The following PCSK6 variants were observed in gnomAD, a reference collection of about 807,000 sequenced individuals.
PCSK6 encodes paired basic amino acid cleaving enzyme 4.
PCSK6 carries 85 observed loss-of-function variants against 123.3 expected under a neutral mutation model. The observed-to-expected ratio is 0.69, with a 90% confidence interval of 0.58 to 0.83. The LOEUF (loss-of-function observed/expected upper bound fraction) is 0.83. Among genes scored for constraint, PCSK6 ranks in the 40% least tolerant of loss-of-function variants. The pLI, the probability that PCSK6 is intolerant of heterozygous loss-of-function variation, is 0.00. For synonymous variants in PCSK6, 508 were observed against 516.0 expected (o/e 0.98, Z 0.21); for missense variants, 1,191 against 1,282.3 (o/e 0.93, Z 1.09).
intron 13 of PCSK6, among the ~76,000 whole-genome samples, chr15:101,341,991 G>A (rs569298221): frequency 3.9e-5 from 6 of 152,060 alleles, no homozygotes; most frequent in East Asian, 3.9e-4. Context: ...TTAGCCGGGC[G>A]CGGTGGTGCA....
At chr15:101,372,690 G>A (rs139268518) in intron 11 of PCSK6, among the ~76,000 whole-genome samples, 22 of 152,100 alleles carry the variant, frequency 1.4e-4, no homozygotes, top group Non-Finnish European at 2.6e-4. Context: ...GTGTGGAGAC[G>A]GAGAAACGTC....
At chr15:101,468,295 C>T (rs1004029502) in intron 1 of PCSK6, among the ~76,000 whole-genome samples, 1 of 152,148 alleles carries the variant, frequency 6.6e-6, no homozygotes, top group South Asian at 2.1e-4. Flanking sequence ...CCATCATCAT[C>T]ATCGTCACAG....
chr15:101,427,170 T>A (rs1008719504), intron 6 of PCSK6, among the ~76,000 whole-genome samples: 4 of 152,136 alleles, frequency 2.6e-5, no homozygotes, highest in Admixed American at 6.5e-5. Flanking sequence ...GACTGAGCAG[T>A]GTGAGAAGCT....
chr15:101,475,892 T>C (rs1596377655), intron 1 of PCSK6, among the ~76,000 whole-genome samples: 1 of 152,178 alleles, frequency 6.6e-6, no homozygotes, highest in Non-Finnish European at 1.5e-5. Flanking sequence ...TGACAATTGG[T>C]CATCACTACA....
At chr15:101,310,231 A>G (rs971437926) in intron 20 of PCSK6, among the ~76,000 whole-genome samples, 3 of 152,182 alleles carry the variant, frequency 2.0e-5, no homozygotes, top group Non-Finnish European at 4.4e-5. Context: ...CAGCCCCAGC[A>G]CTGTCAGCCT....
intron 13 of PCSK6, chr15:101,365,051 G>C (rs763706418): frequency 2.6e-6 from 2 of 763,010 alleles, no homozygotes; most frequent in African/African-American, 1.7e-5. Flanking sequence ...TCACCTAATG[G>C]GTAAAGAATG....
At chr15:101,388,242 A>G (rs977932617) in intron 9 of PCSK6, among the ~76,000 whole-genome samples, 1 of 152,256 alleles carries the variant, frequency 6.6e-6, no homozygotes, top group Non-Finnish European at 1.5e-5. Context: ...CAAAAATATC[A>G]AACTGTTCCT....
chr15:101,416,345 G>A (rs1341006701), intron 6 of PCSK6, among the ~76,000 whole-genome samples: 1 of 152,232 alleles, frequency 6.6e-6, no homozygotes, highest in East Asian at 1.9e-4. Context: ...TCTGGCAGAA[G>A]AAATTTCTAA....
chr15:101,307,076 A>T (rs2039739348), intron 21 of PCSK6, 137 bp downstream of exon 21: 1 of 648,892 alleles, frequency 1.5e-6, no homozygotes, highest in Admixed American at 2.3e-5. Context: ...AATCCCAGAC[A>T]GTCAATCGGA....
At chr15:101,465,770 G>C (rs965975288) in intron 1 of PCSK6, among the ~76,000 whole-genome samples, 2 of 152,142 alleles carry the variant, frequency 1.3e-5, no homozygotes, top group African/African-American at 2.4e-5. Context: ...ACTTAAATCA[G>C]TTAAGTATGA....
rs56799341 is a variant in PCSK6 at position 101,313,163 on chromosome 15, C to T, written c.2699+213G>A. On this transcript the variant is annotated intron_variant, in intron 20 of 21. Transcript: ENST00000611716. ...CTTCCCATCTTATCCCGCTGCTGCA[C>T]GGTGTCTGCCCACAGCAGGGACCCA... 8,119 of 1,489,640 alleles carry T rather than the reference C, an allele frequency of 5.5e-3. 309 individuals are homozygous for T. In the East Asian group the frequency reaches 0.098, roughly 18 times the overall value. 92.3% of individuals were successfully genotyped at this position (1,489,640 alleles called of 1,614,324 possible).
intron 6 of PCSK6, among the ~76,000 whole-genome samples, chr15:101,426,432 C>T (rs2141103311): frequency 6.6e-6 from 1 of 152,300 alleles, no homozygotes; most frequent in African/African-American, 2.4e-5. Context: ...GGGCTCTGCA[C>T]CCATCATCAA....
intron 17 of PCSK6, among the ~76,000 whole-genome samples, chr15:101,323,491 G>A (rs1005778331): frequency 6.6e-6 from 1 of 152,230 alleles, no homozygotes; most frequent in Non-Finnish European, 1.5e-5. Context: ...AGCACTTTGG[G>A]AGGCCAAGGC....
chr15:101,325,314 G>A (rs945105046), intron 16 of PCSK6, among the ~76,000 whole-genome samples: 32 of 152,210 alleles, frequency 2.1e-4, no homozygotes, highest in African/African-American at 7.5e-4. Flanking sequence ...GGCATCGTGA[G>A]GTTCGTATTT....
chr15:101,345,737 G>A (rs1445477351), intron 13 of PCSK6, among the ~76,000 whole-genome samples: 7 of 152,136 alleles, frequency 4.6e-5, no homozygotes, highest in African/African-American at 9.7e-5. Flanking sequence ...GCAAAATCTC[G>A]GCTCACTGCA....
chr15:101,411,402 C>A (rs1596307113), intron 6 of PCSK6, among the ~76,000 whole-genome samples: 1 of 152,042 alleles, frequency 6.6e-6, no homozygotes, highest in Non-Finnish European at 1.5e-5. Flanking sequence ...AGCGGGGAGT[C>A]CGCCTCGCAC....
chr15:101,320,631 T>C (rs554008380), intron 18 of PCSK6, among the ~76,000 whole-genome samples: 2 of 152,330 alleles, frequency 1.3e-5, no homozygotes, highest in South Asian at 2.1e-4. Context: ...CATGGTGCCA[T>C]GCCCACTGCG....
rs144273790 is a variant in PCSK6, at chr15:101,423,371, T to C, written c.823+4521A>G. 6.1e-3 allele frequency among the ~76,000 whole-genome samples: 933 copies of C among 151,716 alleles called. 6 individuals are homozygous for C. Among genetic ancestry groups the C allele is most frequent in the South Asian group, 0.026 (124 of 4,760 alleles). The stretch of plus-strand genomic sequence containing the variant: ...GCCTCCCAGGTCTAAGCCAATTCTC[T>C]TGCCTCAGCCTCCTGAGTAGCTGGG... On this transcript the variant is annotated intron_variant, in intron 6 of 21. Transcript: ENST00000611716.
Position 101,382,215 on chromosome 15 carries a change from A to G in PCSK6, c.1415-6T>C, listed in dbSNP as rs1158090035. 1 of 1,598,856 alleles carries G rather than the reference A, an allele frequency of 6.3e-7. No individual in the cohort carries two copies. The highest frequency in any genetic ancestry group is 1.1e-5 in the South Asian group (1 of 89,004). On this transcript the variant is annotated splice_polypyrimidine_tract_variant and splice_region_variant and intron_variant, in intron 10 of 21. Coordinates refer to ENST00000611716, the MANE Select transcript of PCSK6 (RefSeq NM_002570.5). Reference sequence around the variant, plus strand: ...AAATCCATAGAAATGGCTAACTGAAAAGACAGGCCCTTCAGAGCCAGGCTC... The same window carrying G: ...AAATCCATAGAAATGGCTAACTGAAGAGACAGGCCCTTCAGAGCCAGGCTC...
Sources: gnomAD v4.1 joint callset for allele counts (sites outside exome capture counted in the v4.1 genomes callset) on GRCh38, gnomAD v4.1.1 for gene constraint, MANE v1.5 for transcripts, NCBI Gene and HGNC (gene_info 2026-07-23, HGNC 2026-07-21) for gene names.